Variants in DNAJC1 observed in about 807,000 individuals in gnomAD.
DNAJC1 encodes the protein dnaJ homolog subfamily C member 1.
DNAJC1 carries 58 observed loss-of-function variants against 76.6 expected under a neutral mutation model. The ratio of observed to expected loss-of-function variants is 0.76; its 90% CI spans 0.61 to 0.94. The LOEUF (loss-of-function observed/expected upper bound fraction) is 0.94. DNAJC1 is among the 40% of genes least tolerant of loss of function. The probability of loss-of-function intolerance (pLI) is 0.00; values close to 1 mark genes in which losing one functional copy is unlikely to be tolerated. For synonymous variants in DNAJC1, 258 were observed against 267.9 expected (o/e 0.96, Z 0.36); for missense variants, 689 against 677.3 (o/e 1.02, Z -0.19).
intron 1 of DNAJC1, among the ~76,000 whole-genome samples, chr10:21,933,991 A>C (rs1286330418): frequency 6.6e-6 from 1 of 152,110 alleles, no homozygotes; most frequent in East Asian, 1.9e-4. Context: ...TTTCAGAGGG[A>C]AATTTAAAAA....
intron 8 of DNAJC1, among the ~76,000 whole-genome samples, chr10:21,835,850 T>C (rs960989077): frequency 3.9e-5 from 6 of 152,194 alleles, no homozygotes; most frequent in South Asian, 2.1e-4. Flanking sequence ...CTACGTCTGA[T>C]TGGCGTACCT....
intron 7 of DNAJC1, among the ~76,000 whole-genome samples, chr10:21,883,728 G>A (rs1434975937): frequency 1.3e-5 from 2 of 152,134 alleles, no homozygotes; most frequent in East Asian, 3.9e-4. Flanking sequence ...ATGGCTAAGT[G>A]GAAGCTGCAG....
intron 6 of DNAJC1, among the ~76,000 whole-genome samples, chr10:21,916,516 C>A (rs1836958892): frequency 6.6e-6 from 1 of 151,988 alleles, no homozygotes; most frequent in African/African-American, 2.4e-5. Flanking sequence ...AATAAAAAAA[C>A]AATGGTCCTA....
chr10:21,928,421 T>C (rs1181833360), intron 3 of DNAJC1, 85 bp downstream of exon 3: 2 of 1,187,200 alleles, frequency 1.7e-6, no homozygotes, highest in Non-Finnish European at 2.4e-6. Context: ...AACATAATAA[T>C]AAAATGTTTA....
At chr10:21,958,431 C>CT (rs554641280) in intron 1 of DNAJC1, among the ~76,000 whole-genome samples, 1,504 of 141,192 alleles carry the variant, frequency 0.011, 22 homozygotes, top group African/African-American at 0.031. Context: ...ACAGATTTGT[C>CT]TTTTTTTTTT....
At chr10:21,822,624 C>G (rs944554554) in intron 8 of DNAJC1, among the ~76,000 whole-genome samples, 14 of 151,810 alleles carry the variant, frequency 9.2e-5, no homozygotes, top group Non-Finnish European at 5.9e-5. Context: ...CAATTTTAGC[C>G]CAATAATCCA....
At chr10:21,848,763 T>A (rs979344111) in intron 8 of DNAJC1, among the ~76,000 whole-genome samples, 6 of 152,140 alleles carry the variant, frequency 3.9e-5, no homozygotes, top group African/African-American at 1.4e-4. Context: ...AAATTTTAAA[T>A]TGCTCAAATC....
intron 10 of DNAJC1, among the ~76,000 whole-genome samples, chr10:21,765,023 G>A (rs549309847): frequency 1.3e-5 from 2 of 152,254 alleles, no homozygotes; most frequent in South Asian, 4.2e-4. Context: ...GAAGATCTAC[G>A]TCAGTTCCTT....
At chr10:21,812,207 C>T (rs907517806) in intron 8 of DNAJC1, among the ~76,000 whole-genome samples, 4 of 151,676 alleles carry the variant, frequency 2.6e-5, no homozygotes, top group Admixed American at 6.6e-5. Flanking sequence ...TACAGGTGCC[C>T]GCCACCACGC....
chr10:21,962,044 TGA>T (rs1837802926), intron 1 of DNAJC1, among the ~76,000 whole-genome samples: 1 of 152,176 alleles, frequency 6.6e-6, no homozygotes, highest in African/African-American at 2.4e-5. Context: ...GCCCTCTCAG[TGA>T]GGAGTCCTTT....
At chr10:21,842,112 G>A (rs1835584375) in intron 8 of DNAJC1, among the ~76,000 whole-genome samples, 1 of 107,962 alleles carries the variant, frequency 9.3e-6, no homozygotes, top group East Asian at 3.4e-4. Context: ...TGGGGGGAGG[G>A]GGGAGGGACA....
chr10:21,914,086 T>A lies in DNAJC1; in HGVS notation c.729+4693A>T, dbSNP rs577687584. Among the ~76,000 whole-genome samples, 3 of 152,348 alleles carry A rather than the reference T, an allele frequency of 2.0e-5. No homozygotes were observed. The South Asian group carries it at 6.2e-4, about 32-fold the overall frequency. On this transcript the variant is annotated intron_variant, in intron 6 of 11. Coordinates refer to ENST00000376980, the MANE Select transcript of DNAJC1 (RefSeq NM_022365.4). Reference sequence around the variant, plus strand: ...CTTTTCCTGTAATTTCTCACTTGACTTTTACCTTTTCTGCCTATGTAGATT... The same window carrying A: ...CTTTTCCTGTAATTTCTCACTTGACATTTACCTTTTCTGCCTATGTAGATT...
chr10:21,904,511 T>C lies in DNAJC1; in HGVS notation c.820+11A>G. 1 of 1,524,492 alleles carries C rather than the reference T, an allele frequency of 6.6e-7. No homozygotes were observed. Among genetic ancestry groups the C allele is most frequent in the Non-Finnish European group, 8.9e-7 (1 of 1,125,874 alleles). The allele number at this position is 1,524,492 out of a possible 1,614,324, so 94.4% of individuals were successfully genotyped here. On this transcript the variant is annotated intron_variant, in intron 7 of 11. Transcript: ENST00000376980. ...TATGACATTGTTAAAACACTAATGT[T>C]TAAAACTCACTTTGAAGTGTTTCAA... is the stretch of plus-strand genomic sequence containing the variant.
rs764057701 is a variant in DNAJC1 at position 21,813,598 on chromosome 10, C to T, written c.979-7499G>A. On this transcript the variant is annotated intron_variant, in intron 8 of 11. Transcript: ENST00000376980. ...ATTTTTAGTAGAGATGGTGTTTCAC[C>T]GTGTTAGCCAGGATGGTCTCGATCT... is the stretch of plus-strand genomic sequence containing the variant. 1.7e-4 allele frequency among the ~76,000 whole-genome samples: 26 copies of T among 152,006 alleles called. 1 individual carries two copies. The highest frequency in any genetic ancestry group is 1.4e-3 in the East Asian group (7 of 5,170).
At chr10:21,756,826 CT>C in intron 11 of DNAJC1, 71 bp from the exon 12 acceptor site, 1 of 1,392,854 alleles carries the variant, frequency 7.2e-7, no homozygotes, top group Non-Finnish European at 1.0e-6. Context: ...TGTGGCCGGT[CT>C]GCTGGCTTCT....
At position 21,759,208 on chromosome 10, in the gene DNAJC1, A is replaced by T; in HGVS notation, c.1558T>A (p.Trp520Arg). The change falls in exon 11 of 12, where the codon TGG becomes AGG. Residue 520 changes from tryptophan (W) to arginine (R), a missense_variant. Coordinates refer to ENST00000376980, the MANE Select transcript of DNAJC1 (RefSeq NM_022365.4). ...QQYPRGSSDR[W>R]DKIARCVPSK... ...GGGACACATCTGGCTATTTTGTCCC[A>T]GCGGTCAGAGGATCCCCTTGGGTAC... 6.2e-7 allele frequency: 1 copy of T among 1,614,100 alleles called. No homozygotes were observed. The highest frequency in any genetic ancestry group is 8.5e-7 in the Non-Finnish European group (1 of 1,180,020).
intron 3 of DNAJC1, among the ~76,000 whole-genome samples, chr10:21,926,198 C>G (rs890578964): frequency 6.6e-5 from 10 of 151,792 alleles, no homozygotes; most frequent in Non-Finnish European, 1.3e-4. Context: ...GGGATCTGCC[C>G]TCCTCAGCCT....
At chr10:21,803,711 C>T (rs920186810) in intron 9 of DNAJC1, 2 of 510,090 alleles carry the variant, frequency 3.9e-6, no homozygotes, top group African/African-American at 2.1e-5. Context: ...GGAGATGATG[C>T]TTACAGAATG....
intron 1 of DNAJC1, among the ~76,000 whole-genome samples, chr10:21,953,667 A>G (rs1454060037): frequency 1.3e-5 from 2 of 151,832 alleles, no homozygotes; most frequent in African/African-American, 4.8e-5. Flanking sequence ...AATATAAGTA[A>G]TATCACCTAG....
Sources: gnomAD v4.1 joint callset for allele counts (sites outside exome capture counted in the v4.1 genomes callset) on GRCh38, gnomAD v4.1.1 for gene constraint, MANE v1.5 for transcripts, NCBI Gene and HGNC (gene_info 2026-07-23, HGNC 2026-07-21) for gene names.